PRELID2: variants seen among roughly 807,000 people sequenced by gnomAD.
The protein encoded by PRELID2 is PRELI domain containing 2.
PRELID2 carries 25 observed loss-of-function variants against 28.4 expected under a neutral mutation model. The ratio of observed to expected loss-of-function variants is 0.88; its 90% CI spans 0.64 to 1.23. The LOEUF (loss-of-function observed/expected upper bound fraction) is 1.23. PRELID2 is among the 50% of genes most tolerant of loss of function. PRELID2 has a pLI of 0.00. For synonymous variants in PRELID2, 76 were observed against 71.6 expected (o/e 1.06, Z -0.31); for missense variants, 201 against 214.4 (o/e 0.94, Z 0.39).
the PRELID2 span, among the ~76,000 whole-genome samples, chr5:145,249,017 C>T: frequency 2.0e-5 from 3 of 152,084 alleles, no homozygotes; most frequent in Admixed American, 6.6e-5. Flanking sequence ...TGCTGATGTT[C>T]GTTCAGATTT....
chr5:145,761,229 G>GA (rs1014602247), intron 6 of PRELID2, among the ~76,000 whole-genome samples: 4 of 152,148 alleles, frequency 2.6e-5, no homozygotes, highest in African/African-American at 9.7e-5. Context: ...TTCCAAAGCT[G>GA]AAAAAATTGA....
chr5:145,734,464 A>T (rs986608236), intron 1 of PRELID2, among the ~76,000 whole-genome samples: 1 of 152,232 alleles, frequency 6.6e-6, no homozygotes, highest in South Asian at 2.1e-4. Flanking sequence ...ACGAGCATCA[A>T]CTGGTTTGGG....
At chr5:145,695,517 C>G (rs1755241017) in intron 1 of PRELID2, among the ~76,000 whole-genome samples, 1 of 152,232 alleles carries the variant, frequency 6.6e-6, no homozygotes, top group East Asian at 1.9e-4. Context: ...CACCTCCAAC[C>G]TGCTCTTCTT....
At chr5:145,687,372 T>G (rs758903615) in intron 1 of PRELID2, among the ~76,000 whole-genome samples, 5 of 152,156 alleles carry the variant, frequency 3.3e-5, no homozygotes, top group Admixed American at 6.5e-5. Flanking sequence ...AAACCCAGGT[T>G]GAGATTCAAT....
intron 1 of PRELID2, among the ~76,000 whole-genome samples, chr5:145,517,614 C>T (rs1386365405): frequency 1.3e-5 from 2 of 152,106 alleles, no homozygotes. Context: ...CCAGAAGTAC[C>T]ATTTGACCCA....
the PRELID2 span, among the ~76,000 whole-genome samples, chr5:145,266,954 C>T: frequency 6.6e-6 from 1 of 152,044 alleles, no homozygotes; most frequent in South Asian, 2.1e-4. Flanking sequence ...ATTGTATGTT[C>T]TCACAAGTAG....
chr5:145,379,716 T>C, the PRELID2 span, among the ~76,000 whole-genome samples: 2 of 151,908 alleles, frequency 1.3e-5, no homozygotes, highest in Non-Finnish European at 2.9e-5. Context: ...GGAGTTGCTG[T>C]GGGCCAAGGG....
chr5:145,335,842 C>A, the PRELID2 span, among the ~76,000 whole-genome samples: 2 of 152,288 alleles, frequency 1.3e-5, no homozygotes, highest in East Asian at 3.9e-4. Flanking sequence ...CCTGAGGAAT[C>A]CCCACACTGA....
chr5:145,297,592 C>A, the PRELID2 span, among the ~76,000 whole-genome samples: 1 of 151,952 alleles, frequency 6.6e-6, no homozygotes, highest in South Asian at 2.1e-4. Flanking sequence ...CACTCCTATT[C>A]AACATAGTGT....
At chr5:145,649,597 C>T (rs931261955) in intron 1 of PRELID2, among the ~76,000 whole-genome samples, 1 of 152,172 alleles carries the variant, frequency 6.6e-6, no homozygotes, top group Non-Finnish European at 1.5e-5. Flanking sequence ...ATTTTCCATC[C>T]TTTTCTTTCT....
chr5:145,787,171 G>A (rs1041465097), intron 5 of PRELID2, among the ~76,000 whole-genome samples: 9 of 152,202 alleles, frequency 5.9e-5, no homozygotes, highest in East Asian at 1.9e-4. Flanking sequence ...CAAAAAACAC[G>A]TCTATGCGAT....
chr5:145,265,727 A>G, the PRELID2 span, among the ~76,000 whole-genome samples: 4 of 152,198 alleles, frequency 2.6e-5, no homozygotes, highest in Non-Finnish European at 4.4e-5. Flanking sequence ...ACCCTATTCA[A>G]CAAATGGTGC....
the PRELID2 span, among the ~76,000 whole-genome samples, chr5:145,413,178 A>G: frequency 6.6e-6 from 1 of 152,202 alleles, no homozygotes; most frequent in Non-Finnish European, 1.5e-5. Context: ...AACTGGGCAA[A>G]GGACATAAAT....
At chr5:145,498,856 G>A (rs1752330727) in intron 1 of PRELID2, among the ~76,000 whole-genome samples, 1 of 151,656 alleles carries the variant, frequency 6.6e-6, no homozygotes, top group African/African-American at 2.4e-5. Context: ...GAGATTACAG[G>A]TATGAGCCAC....
intron 2 of PRELID2, among the ~76,000 whole-genome samples, chr5:145,821,293 T>G (rs1190661910): frequency 6.8e-6 from 1 of 147,474 alleles, no homozygotes; most frequent in African/African-American, 2.5e-5. Context: ...GTGTTTAAGC[T>G]CTCTTCTGTG....
chr5:145,557,054 T>A (rs1027083908), intron 1 of PRELID2, among the ~76,000 whole-genome samples: 2 of 152,206 alleles, frequency 1.3e-5, no homozygotes, highest in Non-Finnish European at 2.9e-5. Context: ...AATCATCTAA[T>A]AATTACCCAT....
At chr5:145,775,783 T>A (rs1306198988) in intron 5 of PRELID2, among the ~76,000 whole-genome samples, 1 of 152,156 alleles carries the variant, frequency 6.6e-6, no homozygotes, top group African/African-American at 2.4e-5. Context: ...AAAAGCAACA[T>A]AAATATGATA....
At chr5:145,626,592 C>T (rs1753849135) in intron 1 of PRELID2, among the ~76,000 whole-genome samples, 1 of 151,974 alleles carries the variant, frequency 6.6e-6, no homozygotes, top group Non-Finnish European at 1.5e-5. Context: ...GTTAACACAA[C>T]TTCTATGGAA....
intron 1 of PRELID2, among the ~76,000 whole-genome samples, chr5:145,640,303 T>A (rs1754078781): frequency 6.6e-6 from 1 of 151,188 alleles, no homozygotes; most frequent in Admixed American, 6.6e-5. Flanking sequence ...TGAAACCCCG[T>A]CTCTACTAAA....
Sources: allele counts gnomAD v4.1 joint callset (sites outside exome capture counted in the v4.1 genomes callset), GRCh38; gene constraint gnomAD v4.1.1; transcripts MANE v1.5; gene names NCBI Gene and HGNC (gene_info 2026-07-23, HGNC 2026-07-21).